TBL1XR1: variants seen among roughly 807,000 people sequenced by gnomAD.
TBL1XR1 encodes F-box-like/WD repeat-containing protein TBL1XR1.
TBL1XR1 carries 5 observed loss-of-function variants against 66.9 expected under a neutral mutation model. That is an observed-to-expected ratio of 0.07 (90% CI 0.04 to 0.16). The LOEUF is 0.16. Ranked by LOEUF, TBL1XR1 falls within the 10% of genes least tolerant of loss-of-function variation. TBL1XR1 has a pLI of 1.00. For synonymous variants in TBL1XR1, 210 were observed against 206.0 expected (o/e 1.02, Z -0.17); for missense variants, 238 against 623.2 (o/e 0.38, Z 6.58).
chr3:177,150,956 A>C (rs192429669), intron 1 of TBL1XR1, among the ~76,000 whole-genome samples: 2 of 152,350 alleles, frequency 1.3e-5, no homozygotes, highest in East Asian at 1.9e-4. Context: ...TCAAAACTTA[A>C]AACATTCTTT....
At chr3:177,115,731 T>C (rs996730073) in intron 1 of TBL1XR1, among the ~76,000 whole-genome samples, 5 of 152,230 alleles carry the variant, frequency 3.3e-5, no homozygotes, top group African/African-American at 1.2e-4. Context: ...ATTTTTTTAG[T>C]TTTGAAGCAA....
At chr3:177,114,544 T>TC (rs142965152) in intron 1 of TBL1XR1, among the ~76,000 whole-genome samples, 9,182 of 152,050 alleles carry the variant, frequency 0.06, 373 homozygotes, top group South Asian at 0.16. Context: ...CAAGAGATCC[T>TC]CCTGCCTTGG....
At chr3:177,084,087 C>CAAAAAAAAAA (rs36022409) in intron 2 of TBL1XR1, among the ~76,000 whole-genome samples, 1 of 74,016 alleles carries the variant, frequency 1.4e-5, no homozygotes, top group African/African-American at 5.1e-5. Context: ...GACTCCGTCT[C>CAAAAAAAAAA]AAAAAAAAAA....
intron 2 of TBL1XR1, among the ~76,000 whole-genome samples, chr3:177,076,282 G>A (rs560163832): frequency 2.6e-5 from 4 of 152,244 alleles, no homozygotes; most frequent in South Asian, 4.1e-4. Context: ...AATTTTGGAG[G>A]GACAAATTCG....
At chr3:177,032,463 A>C (rs543009292) in intron 14 of TBL1XR1, 1 of 152,386 alleles carries the variant, frequency 6.6e-6, no homozygotes, top group African/African-American at 2.4e-5. Flanking sequence ...ATAGAGCAAA[A>C]AACTAAAACA....
intron 1 of TBL1XR1, among the ~76,000 whole-genome samples, chr3:177,186,974 G>A (rs1285182556): frequency 2.0e-5 from 3 of 151,958 alleles, no homozygotes; most frequent in Non-Finnish European, 4.4e-5. Context: ...AGACCATCCC[G>A]GCTAACAGGA....
upstream of TBL1XR1, among the ~76,000 whole-genome samples, chr3:177,201,336 G>A (rs947946538): frequency 2.7e-5 from 4 of 146,898 alleles, no homozygotes; most frequent in African/African-American, 1.0e-4. Flanking sequence ...GCTTGAAACC[G>A]AGAGGGGGAG....
At chr3:177,101,360 T>C (rs1166230875) in intron 1 of TBL1XR1, among the ~76,000 whole-genome samples, 1 of 152,226 alleles carries the variant, frequency 6.6e-6, no homozygotes. Context: ...TAATAAAATC[T>C]ACAAATCTAT....
intron 2 of TBL1XR1, among the ~76,000 whole-genome samples, chr3:177,095,413 A>G (rs1168684502): frequency 2.0e-5 from 3 of 152,216 alleles, no homozygotes; most frequent in African/African-American, 4.8e-5. Context: ...TACTAATGCA[A>G]TATGAGATAA....
Position 177,025,248 on chromosome 3 carries a change from A to G in TBL1XR1, c.*250T>C, listed in dbSNP as rs1178279132. On this transcript the variant is annotated 3_prime_UTR_variant, in exon 16 of 16. Coordinates refer to ENST00000457928, the MANE Select transcript of TBL1XR1 (RefSeq NM_024665.7). Reference sequence around the variant, plus strand: ...TCTGTTTTTCATATCCAAAACTTCTAAATGCTATTTTAGGGGCACAGCAGA... The same window carrying G: ...TCTGTTTTTCATATCCAAAACTTCTGAATGCTATTTTAGGGGCACAGCAGA... 2 of 405,348 alleles carry G rather than the reference A, an allele frequency of 4.9e-6. No homozygotes were observed. Among genetic ancestry groups the G allele is most frequent in the African/African-American group, 4.1e-5 (2 of 48,546 alleles). 25.1% of individuals were successfully genotyped at this position (405,348 alleles called of 1,614,324 possible).
rs1036461742 is a variant in TBL1XR1 at position 177,140,899 on chromosome 3, A to G, written c.-121-42358T>C. The stretch of plus-strand genomic sequence containing the variant: ...TAAAACATTATGAGATTTTTTTGCG[A>G]TTTTGTTTTCTAGCTCATCACCTAT... On this transcript the variant is annotated intron_variant, in intron 1 of 15. Transcript: ENST00000457928. Among the ~76,000 whole-genome samples, 4 of 152,176 alleles carry G rather than the reference A, an allele frequency of 2.6e-5. No homozygotes were observed. In the East Asian group the frequency reaches 7.7e-4, roughly 29 times the overall value.
chr3:177,197,357 G>T lies in TBL1XR1; in HGVS notation c.-358C>A. ...GCGAGCGGAGGTGCTCCCGCCGCGG[G>T]GGGAGGGGCGGGGGCGCACGCGGCC... On this transcript the variant is annotated 5_prime_UTR_variant, in exon 1 of 16. Transcript: ENST00000457928. 1.4e-5 allele frequency: 2 copies of T among 147,100 alleles called. No individual in the cohort carries two copies. Among genetic ancestry groups the T allele is most frequent in the South Asian group, 3.6e-4 (2 of 5,480 alleles). 9.1% of individuals were successfully genotyped at this position (147,100 alleles called of 1,614,324 possible). A position where few individuals can be genotyped will look rare whatever the true frequency, so the allele number is the denominator to read the frequency against.
chr3:177,038,527 A>G, intron 10 of TBL1XR1, 93 bp from the exon 11 acceptor site: 38 of 1,198,506 alleles, frequency 3.2e-5, no homozygotes, highest in Non-Finnish European at 4.1e-5. Flanking sequence ...AATAAAATAT[A>G]CTAACAGGCA....
intron 3 of TBL1XR1, among the ~76,000 whole-genome samples, chr3:177,054,426 C>T: frequency 6.6e-6 from 1 of 152,078 alleles, no homozygotes; most frequent in Non-Finnish European, 1.5e-5. Context: ...AAAAGTGGTA[C>T]ACATAATATG....
At chr3:177,098,743 A>G (rs2046380) in intron 1 of TBL1XR1, among the ~76,000 whole-genome samples, 11,109 of 152,282 alleles carry the variant, frequency 0.073, 549 homozygotes, top group Admixed American at 0.16. Flanking sequence ...GAACGTTCAT[A>G]AGAGGTTGGC....
At chr3:177,093,023 CTG>C (rs1038886591) in intron 2 of TBL1XR1, among the ~76,000 whole-genome samples, 1 of 152,148 alleles carries the variant, frequency 6.6e-6, no homozygotes, top group Admixed American at 6.6e-5. Flanking sequence ...GGAAGGCAAA[CTG>C]TTGCTGTTTG....
At chr3:177,177,727 C>G (rs1209410117) in intron 1 of TBL1XR1, among the ~76,000 whole-genome samples, 1 of 152,128 alleles carries the variant, frequency 6.6e-6, no homozygotes, top group Non-Finnish European at 1.5e-5. Flanking sequence ...AGACTACCAG[C>G]TAATCATGAA....
In TBL1XR1 at chr3:177,050,091, G is replaced by C. The variant is rs747059362; in HGVS notation, c.608C>G (p.Thr203Ser). Residue 203 changes from threonine to serine, a missense_variant, in exon 7 of 16, where the codon ACC (threonine) becomes AGC (serine). Transcript: ENST00000457928. ...AAGTACTAACTGTGTAGAGCCACTGGTGCTGTTCTCACTAAGATTCCATAT... is the reference window on the plus strand; with the variant it reads ...AAGTACTAACTGTGTAGAGCCACTGCTGCTGTTCTCACTAAGATTCCATAT... ...ARIWNLSENS[T>S]SGSTQLVLRH... is the part of the protein sequence containing the mutation. The C allele has an allele frequency of 6.2e-7, 1 of 1,613,588 alleles. No homozygotes were observed. Among genetic ancestry groups the C allele is most frequent in the South Asian group, 1.1e-5 (1 of 91,076 alleles).
At chr3:177,165,862 CTGAG>C (rs1184200666) in intron 1 of TBL1XR1, among the ~76,000 whole-genome samples, 4 of 152,152 alleles carry the variant, frequency 2.6e-5, no homozygotes, top group East Asian at 1.9e-4. Context: ...CTTTGGGAGG[CTGAG>C]TAAGATGATC....
Sources: gnomAD v4.1 joint callset for allele counts (sites outside exome capture counted in the v4.1 genomes callset) on GRCh38, gnomAD v4.1.1 for gene constraint, MANE v1.5 for transcripts, NCBI Gene and HGNC (gene_info 2026-07-23, HGNC 2026-07-21) for gene names.